CHRDL1: variants seen among roughly 807,000 people sequenced by gnomAD.
CHRDL1 encodes the protein chordin-like protein 1.
In CHRDL1, 19 loss-of-function variants were observed where a neutral mutation model predicts 40.9. The observed-to-expected ratio is 0.46, with a 90% CI of 0.32 to 0.68. CHRDL1 has a LOEUF of 0.68. Among genes scored for constraint, CHRDL1 ranks in the 30% least tolerant of loss-of-function variants. The probability of loss-of-function intolerance (pLI) is 0.03; values close to 1 mark genes in which losing one functional copy is unlikely to be tolerated. For missense variants in CHRDL1, 329 were observed against 352.1 expected (o/e 0.93, Z 0.53); for synonymous variants, 136 against 123.4 (o/e 1.10, Z -0.68).
At chrX:110,723,653 A>G (rs912882578) in intron 4 of CHRDL1, among the ~76,000 whole-genome samples, 1 of 111,834 alleles carries the variant, frequency 8.9e-6, no homozygotes, top group South Asian at 3.8e-4. Flanking sequence ...TAAGGAAGGG[A>G]CCATTTAATT....
At chrX:110,725,209 G>A (rs1002732250) in intron 4 of CHRDL1, among the ~76,000 whole-genome samples, 3 of 111,824 alleles carry the variant, frequency 2.7e-5, no homozygotes, top group Non-Finnish European at 5.6e-5. Context: ...CTCCCCAAGT[G>A]AGGGATGATC....
intron 4 of CHRDL1, among the ~76,000 whole-genome samples, chrX:110,723,703 C>T (rs1055181148): frequency 1.2e-4 from 13 of 112,273 alleles, no homozygotes; most frequent in African/African-American, 4.2e-4. Context: ...GAAGGCTATG[C>T]TGTCCCTAAT....
intron 4 of CHRDL1, among the ~76,000 whole-genome samples, chrX:110,748,506 C>A (rs980964104): frequency 9.0e-6 from 1 of 111,684 alleles, no homozygotes; most frequent in African/African-American, 3.3e-5. Context: ...TCAGGCCTGT[C>A]ATTTTCAAAG....
At chrX:110,690,387 T>C (rs918457047) in intron 8 of CHRDL1, among the ~76,000 whole-genome samples, 2 of 108,807 alleles carry the variant, frequency 1.8e-5, no homozygotes, top group African/African-American at 3.4e-5. Flanking sequence ...TGAGAATAAA[T>C]GAATGCATGA....
Position 110,719,907 on chromosome X carries a change from G to T in CHRDL1, c.469C>A (p.Leu157Ile), listed in dbSNP as rs1335024781. The T allele has an allele frequency of 8.4e-7, 1 of 1,194,589 alleles. No individual in the cohort carries two copies. Among genetic ancestry groups the T allele is most frequent in the South Asian group, 1.8e-5 (1 of 56,423 alleles). The change falls in exon 6 of 12, where the codon CTC (leucine) becomes ATC (isoleucine). Residue 157 changes from leucine (L) to isoleucine (I), a missense_variant. Coordinates refer to ENST00000372042, the MANE Select transcript of CHRDL1 (RefSeq NM_001143981.2). ...CAGGTTAATTTGGGGCAAGTCTTGA[G>T]ACCACAATACACGTTTCCCTCCTGC... ...SCSEGNVYCG[L>I]KTCPKLTCAF...
chrX:110,777,728 G>C (rs1351410610), intron 2 of CHRDL1, among the ~76,000 whole-genome samples: 1 of 111,667 alleles, frequency 9.0e-6, no homozygotes, highest in Non-Finnish European at 1.9e-5. Context: ...TGAGTTTGAA[G>C]AGTTCTTTGT....
chrX:110,735,806 T>C (rs1399625239), intron 4 of CHRDL1, among the ~76,000 whole-genome samples: 1 of 112,070 alleles, frequency 8.9e-6, no homozygotes, highest in Non-Finnish European at 1.9e-5. Context: ...TGAAATGATT[T>C]GATGAGATTT....
Position 110,762,819 on chromosome X carries a change from G to A in CHRDL1, c.95-12C>T, listed in dbSNP as rs1373187744. 2.1e-6 allele frequency: 2 copies of A among 953,426 alleles called. No homozygotes were observed. Among genetic ancestry groups the A allele is most frequent in the Admixed American group, 4.5e-5 (2 of 44,786 alleles). 78.6% of individuals were successfully genotyped at this position (953,426 alleles called of 1,213,427 possible). A position where few individuals can be genotyped will look rare whatever the true frequency, so the allele number is the denominator to read the frequency against. On this transcript the variant is annotated splice_polypyrimidine_tract_variant and intron_variant, in intron 2 of 11. Transcript: ENST00000372042. ...ATATGTCTCTGAATCTGTGAAGAAG[G>A]AGATGGAGAATATGCCTGTTAGGAA...
chrX:110,675,346 T>C lies in CHRDL1; in HGVS notation c.*885A>G, dbSNP rs2069751065. 9.0e-6 allele frequency: 1 copy of C among 111,552 alleles called. No homozygotes were observed. Among genetic ancestry groups the C allele is most frequent in the South Asian group, 3.8e-4 (1 of 2,658 alleles). 9.2% of individuals were successfully genotyped at this position (111,552 alleles called of 1,213,427 possible). A position where few individuals can be genotyped will look rare whatever the true frequency, so the allele number is the denominator to read the frequency against. On this transcript the variant is annotated 3_prime_UTR_variant, in exon 12 of 12. Coordinates refer to ENST00000372042, the MANE Select transcript of CHRDL1 (RefSeq NM_001143981.2). Reference sequence around the variant, plus strand: ...ATTATTTTTTCTTACATGGATTCAGTTTCTGATGATTTTACTCAATTTAAC... The same window carrying C: ...ATTATTTTTTCTTACATGGATTCAGCTTCTGATGATTTTACTCAATTTAAC...
chrX:110,684,830 A>C (rs1159105451), intron 9 of CHRDL1, among the ~76,000 whole-genome samples: 1 of 112,381 alleles, frequency 8.9e-6, no homozygotes, highest in African/African-American at 3.2e-5. Context: ...ACTCTCAGGC[A>C]ATGTGACTAA....
intron 2 of CHRDL1, among the ~76,000 whole-genome samples, chrX:110,778,268 C>T (rs903304203): frequency 1.8e-5 from 2 of 111,963 alleles, no homozygotes; most frequent in African/African-American, 6.5e-5. Flanking sequence ...TCTAATCAAA[C>T]TAAAGAGCTT....
intron 4 of CHRDL1, among the ~76,000 whole-genome samples, chrX:110,728,485 G>A (rs756444762): frequency 3.6e-5 from 4 of 111,382 alleles, no homozygotes; most frequent in South Asian, 7.7e-4. Context: ...TCAGAAGCCC[G>A]GCTGTATTCC....
At position 110,676,169 on chromosome X, in the gene CHRDL1, C is replaced by A. The variant is rs1316261024; in HGVS notation, c.*62G>T. On this transcript the variant is annotated 3_prime_UTR_variant, in exon 12 of 12. Coordinates refer to ENST00000372042, the MANE Select transcript of CHRDL1 (RefSeq NM_001143981.2). ...GCACTGTTGACTTAAGCAAAATAAG[C>A]CTGCAGTCCAGCTGCAGCTTGAGTT... The A allele has an allele frequency of 6.2e-6, 7 of 1,120,310 alleles. No homozygotes were observed. Among genetic ancestry groups the A allele is most frequent in the Non-Finnish European group, 8.4e-6 (7 of 834,112 alleles). The allele number at this position is 1,120,310 out of a possible 1,213,427, so 92.3% of individuals were successfully genotyped here.
chrX:110,692,929 C>G (rs2070308909), intron 8 of CHRDL1, among the ~76,000 whole-genome samples: 1 of 112,269 alleles, frequency 8.9e-6, no homozygotes, highest in African/African-American at 3.2e-5. Flanking sequence ...GTTTTTCACC[C>G]ATGTTATTCA....
Position 110,768,074 on chromosome X carries a change from T to C in CHRDL1, c.95-5267A>G, listed in dbSNP as rs951421302. On this transcript the variant is annotated intron_variant, in intron 2 of 11. Transcript: ENST00000372042. ...TCATGTGTTCTTTTTCTTGAAAAGG[T>C]TGTGTTCCCTTTCTTTGGAAATGCA... 3.6e-5 allele frequency among the ~76,000 whole-genome samples: 4 copies of C among 111,873 alleles called. No homozygotes were observed. In the East Asian group the frequency reaches 1.1e-3, roughly 32 times the overall value.
intron 2 of CHRDL1, among the ~76,000 whole-genome samples, chrX:110,767,349 G>T (rs1428927492): frequency 9.0e-6 from 1 of 110,798 alleles, no homozygotes; most frequent in African/African-American, 3.3e-5. Flanking sequence ...AGAGCAATCA[G>T]ACAAGAGAAA....
intron 4 of CHRDL1, among the ~76,000 whole-genome samples, chrX:110,732,000 C>T (rs1189577924): frequency 1.0e-5 from 1 of 97,573 alleles, no homozygotes; most frequent in Non-Finnish European, 1.9e-5. Flanking sequence ...TAAAGCGTTA[C>T]CAAAAAAAAA....
chrX:110,783,044 G>A (rs1459795232), intron 2 of CHRDL1, among the ~76,000 whole-genome samples: 1 of 112,568 alleles, frequency 8.9e-6, no homozygotes, highest in Non-Finnish European at 1.9e-5. Context: ...GGAGCTGAAT[G>A]GTCACGCCAT....
chrX:110,755,132 C>T (rs779310036), intron 4 of CHRDL1, among the ~76,000 whole-genome samples: 2 of 110,711 alleles, frequency 1.8e-5, no homozygotes, highest in Non-Finnish European at 3.8e-5. Flanking sequence ...CAGAGTCTTG[C>T]TTAGAGACCA....
Sources: gnomAD v4.1 joint callset for allele counts (sites outside exome capture counted in the v4.1 genomes callset) on GRCh38, gnomAD v4.1.1 for gene constraint, MANE v1.5 for transcripts, NCBI Gene and HGNC (gene_info 2026-07-23, HGNC 2026-07-21) for gene names.